Variants in ADAMTS6 observed in about 807,000 individuals in gnomAD.
ADAMTS6 encodes A disintegrin and metalloproteinase with thrombospondin motifs 6.
ADAMTS6 carries 23 observed loss-of-function variants against 144.3 expected under a neutral mutation model. That is an observed-to-expected ratio of 0.16 (90% CI 0.11 to 0.23). ADAMTS6 has a LOEUF of 0.23. Among genes scored for constraint, ADAMTS6 ranks in the 10% least tolerant of loss-of-function variants. The pLI, the probability that ADAMTS6 is intolerant of heterozygous loss-of-function variation, is 1.00. For synonymous variants in ADAMTS6, 444 were observed against 457.5 expected (o/e 0.97, Z 0.38); for missense variants, 999 against 1,379.6 (o/e 0.72, Z 4.37).
At position 65,463,854 on chromosome 5, in the gene ADAMTS6, T is replaced by C. The variant is rs183844981; in HGVS notation, c.463-3516A>G. ...AAATGACACTCCTTTCCTGTAGTCC[T>C]CTGGAACGGTGGCTGCTTTGTCTTC... On this transcript the variant is annotated intron_variant, in intron 3 of 24. Coordinates refer to ENST00000381055, the MANE Select transcript of ADAMTS6 (RefSeq NM_197941.4). 1.5e-3 allele frequency among the ~76,000 whole-genome samples: 230 copies of C among 152,318 alleles called. 1 individual carries two copies. The highest frequency in any genetic ancestry group is 4.0e-3 in the African/African-American group (168 of 41,564).
At chr5:65,211,872 G>T (rs1756553134) in intron 20 of ADAMTS6, among the ~76,000 whole-genome samples, 1 of 152,072 alleles carries the variant, frequency 6.6e-6, no homozygotes, top group African/African-American at 2.4e-5. Flanking sequence ...CCTCATTAAG[G>T]TGCTCAATAA....
rs999955381 is a variant in ADAMTS6 at position 65,347,775 on chromosome 5, T to G, written c.1074-13690A>C. On this transcript the variant is annotated intron_variant, in intron 7 of 24. Transcript: ENST00000381055. ...TCATCAGGGGTTAATGTCCAAAATATATAAACAACTCAATGGCAAGAAAAC... is the reference window on the plus strand; with the variant it reads ...TCATCAGGGGTTAATGTCCAAAATAGATAAACAACTCAATGGCAAGAAAAC... Among the ~76,000 whole-genome samples the G allele has an allele frequency of 1.3e-5, 2 of 151,894 alleles. 1 individual carries two copies. The highest frequency in any genetic ancestry group is 4.1e-4 in the South Asian group (2 of 4,824).
intron 9 of ADAMTS6, among the ~76,000 whole-genome samples, chr5:65,314,141 G>T (rs1285568486): frequency 6.6e-6 from 1 of 152,054 alleles, no homozygotes; most frequent in African/African-American, 2.4e-5. Flanking sequence ...TGCAAGAAGA[G>T]ATAGATAATT....
At chr5:65,423,374 T>A (rs527433427) in intron 7 of ADAMTS6, among the ~76,000 whole-genome samples, 4 of 152,312 alleles carry the variant, frequency 2.6e-5, no homozygotes, top group Non-Finnish European at 5.9e-5. Flanking sequence ...TCAAATAAAT[T>A]GAGTGACTTA....
intron 7 of ADAMTS6, among the ~76,000 whole-genome samples, chr5:65,391,451 C>CACACT (rs1752907750): frequency 2.1e-5 from 3 of 143,026 alleles, no homozygotes. Flanking sequence ...CACACACACA[C>CACACT]TTTTTTTTCT....
intron 2 of ADAMTS6, 40 bp downstream of exon 2, chr5:65,473,537 T>C: frequency 4.0e-6 from 6 of 1,511,560 alleles, no homozygotes; most frequent in Non-Finnish European, 5.5e-6. Flanking sequence ...GTCCAATTAA[T>C]AGCAATATTT....
At chr5:65,338,620 G>A (rs1747531864) in intron 7 of ADAMTS6, among the ~76,000 whole-genome samples, 1 of 152,130 alleles carries the variant, frequency 6.6e-6, no homozygotes, top group African/African-American at 2.4e-5. Flanking sequence ...AGCCCCATGG[G>A]CTGCCCCTGA....
At chr5:65,266,652 T>A (rs1296638912) in intron 12 of ADAMTS6, among the ~76,000 whole-genome samples, 1 of 151,996 alleles carries the variant, frequency 6.6e-6, no homozygotes, top group Non-Finnish European at 1.5e-5. Flanking sequence ...AAATGGAAAC[T>A]AATTTTAGTT....
chr5:65,266,250 A>G (rs1761620619), intron 12 of ADAMTS6, among the ~76,000 whole-genome samples: 1 of 151,978 alleles, frequency 6.6e-6, no homozygotes, highest in African/African-American at 2.4e-5. Context: ...TGATAAATAC[A>G]ATATTCACTT....
At position 65,190,129 on chromosome 5, in the gene ADAMTS6, A is replaced by G. The variant is rs184129869; in HGVS notation, c.2706-1909T>C. The stretch of plus-strand genomic sequence containing the variant: ...TATTATTCGTATTGTCTTTACTTAT[A>G]AAGAAAACCAGCATTTAGAAATATA... On this transcript the variant is annotated intron_variant, in intron 21 of 24. Transcript: ENST00000381055. Among the ~76,000 whole-genome samples the G allele has an allele frequency of 2.0e-5, 3 of 152,346 alleles. No individual in the cohort carries two copies. The East Asian group carries it at 5.8e-4, about 29-fold the overall frequency.
rs150646753 is a variant in ADAMTS6 at position 65,416,106 on chromosome 5, C to T, written c.1073+35369G>A. On this transcript the variant is annotated intron_variant, in intron 7 of 24. Coordinates refer to ENST00000381055, the MANE Select transcript of ADAMTS6 (RefSeq NM_197941.4). ...CTACAGCCACCTGACCCCTGACCTC[C>T]GGAAGGAGACTGTATTCACCAAGTC... is the stretch of plus-strand genomic sequence containing the variant. 885 of 194,180 alleles carry T rather than the reference C, an allele frequency of 4.6e-3. 8 individuals are homozygous for T. The highest frequency in any genetic ancestry group is 0.017 in the Admixed American group (328 of 19,078). The allele number at this position is 194,180 out of a possible 1,614,324, so 12.0% of individuals were successfully genotyped here.
intron 12 of ADAMTS6, among the ~76,000 whole-genome samples, chr5:65,263,809 T>C (rs1761401540): frequency 6.6e-6 from 1 of 152,198 alleles, no homozygotes; most frequent in African/African-American, 2.4e-5. Context: ...TATCAAACTT[T>C]GACACACCAA....
chr5:65,347,022 A>G (rs1205942003), intron 7 of ADAMTS6, among the ~76,000 whole-genome samples: 1 of 151,832 alleles, frequency 6.6e-6, no homozygotes, highest in East Asian at 1.9e-4. Context: ...AAACTATACG[A>G]CATTGATTAA....
At chr5:65,360,679 C>G (rs949988797) in intron 7 of ADAMTS6, among the ~76,000 whole-genome samples, 2 of 151,646 alleles carry the variant, frequency 1.3e-5, no homozygotes, top group Non-Finnish European at 2.9e-5. Context: ...ATTTGTAATC[C>G]AAAATTCAAG....
At chr5:65,400,450 A>C (rs1013757502) in intron 7 of ADAMTS6, among the ~76,000 whole-genome samples, 3 of 152,152 alleles carry the variant, frequency 2.0e-5, no homozygotes, top group African/African-American at 7.2e-5. Flanking sequence ...TCCTTGCTTC[A>C]AGCAAGCCTC....
Position 65,167,214 on chromosome 5 carries a change from C to G in ADAMTS6, c.3244+3403G>C, listed in dbSNP as rs1486842470. ...GATAAAGGGGATATCACCACTGATC[C>G]CACAGAAATACAAACTACCATCAGA... On this transcript the variant is annotated intron_variant, in intron 24 of 24. Coordinates refer to ENST00000381055, the MANE Select transcript of ADAMTS6 (RefSeq NM_197941.4). Among the ~76,000 whole-genome samples the G allele has an allele frequency of 4.7e-5, 7 of 150,288 alleles. No homozygotes were observed. The East Asian group carries it at 1.2e-3, about 25-fold the overall frequency.
chr5:65,436,602 G>A (rs1308803262), intron 7 of ADAMTS6, among the ~76,000 whole-genome samples: 2 of 152,154 alleles, frequency 1.3e-5, no homozygotes, highest in South Asian at 4.1e-4. Context: ...TTGGGAGGCC[G>A]AGGTGGGTGG....
rs141022264 is a variant in ADAMTS6 at position 65,377,371 on chromosome 5, T to C, written c.1074-43286A>G. Among the ~76,000 whole-genome samples, 4 of 152,276 alleles carry C rather than the reference T, an allele frequency of 2.6e-5. No individual in the cohort carries two copies. In the East Asian group the frequency reaches 7.7e-4, roughly 29 times the overall value. On this transcript the variant is annotated intron_variant, in intron 7 of 24. Coordinates refer to ENST00000381055, the MANE Select transcript of ADAMTS6 (RefSeq NM_197941.4). ...CACTTCATTCTGACATCTGATATTCTTGAATAAAAAGTTAGGCAATGGAAT... is the reference window on the plus strand; with the variant it reads ...CACTTCATTCTGACATCTGATATTCCTGAATAAAAAGTTAGGCAATGGAAT...
At chr5:65,198,664 G>A (rs1289173820) in intron 20 of ADAMTS6, 1 of 166,914 alleles carries the variant, frequency 6.0e-6, no homozygotes, top group African/African-American at 2.4e-5. Flanking sequence ...CACTGACCCA[G>A]GGCTCTTGCT....
Sources: allele counts gnomAD v4.1 joint callset (sites outside exome capture counted in the v4.1 genomes callset), GRCh38; gene constraint gnomAD v4.1.1; transcripts MANE v1.5; gene names NCBI Gene and HGNC (gene_info 2026-07-23, HGNC 2026-07-21).